The following COL22A1 variants were observed in gnomAD, a reference collection of about 807,000 sequenced individuals.
COL22A1 encodes the protein collagen type XXII alpha 1 chain.
A neutral mutation model predicts 248.9 loss-of-function variants in COL22A1; 221 were observed. That is an observed-to-expected ratio of 0.89 (90% CI 0.80 to 0.99). The LOEUF (loss-of-function observed/expected upper bound fraction) is 0.99. Ranked by LOEUF, COL22A1 falls within the 50% of genes least tolerant of loss-of-function variation. The pLI is 0.00. For synonymous variants in COL22A1, 891 were observed against 793.4 expected (o/e 1.12, Z -2.07); for missense variants, 2,240 against 2,179.0 (o/e 1.03, Z -0.56).
At chr8:138,871,826 T>A (rs1823368270) in intron 3 of COL22A1, among the ~76,000 whole-genome samples, 1 of 152,146 alleles carries the variant, frequency 6.6e-6, no homozygotes, top group African/African-American at 2.4e-5. Context: ...TGTTTTGCAC[T>A]ACGGAAAGAA....
chr8:138,805,819 T>TGTGTGTGTGATG (rs1311838890), intron 10 of COL22A1, among the ~76,000 whole-genome samples: 2 of 148,904 alleles, frequency 1.3e-5, no homozygotes, highest in Admixed American at 6.7e-5. Context: ...TGTGTGATGG[T>TGTGTGTGTGATG]GTGTGTGTTT....
chr8:138,834,281 T>C (rs373547319), intron 4 of COL22A1, among the ~76,000 whole-genome samples: 1 of 149,766 alleles, frequency 6.7e-6, no homozygotes, highest in East Asian at 2.0e-4. Context: ...ACCTAACCCA[T>C]GAGATTTTAG....
intron 21 of COL22A1, among the ~76,000 whole-genome samples, chr8:138,753,671 A>C (rs778815909): frequency 2.9e-4 from 44 of 152,178 alleles, no homozygotes; most frequent in Non-Finnish European, 5.4e-4. Flanking sequence ...AGGGTGCCTC[A>C]TGTGTTATTT....
intron 27 of COL22A1, among the ~76,000 whole-genome samples, chr8:138,718,173 T>G (rs932077523): frequency 1.3e-5 from 2 of 152,112 alleles, no homozygotes; most frequent in Non-Finnish European, 2.9e-5. Flanking sequence ...ACACATTTTA[T>G]CCTGTAGCGC....
intron 22 of COL22A1, among the ~76,000 whole-genome samples, chr8:138,743,468 A>ATGATGG (rs897064528): frequency 1.2e-4 from 15 of 120,576 alleles, no homozygotes; most frequent in African/African-American, 3.6e-4. Flanking sequence ...TTTGGTGGTA[A>ATGATGG]TGATGGTGAT....
chr8:138,660,310 C>A, intron 44 of COL22A1, 126 bp downstream of exon 44: 1 of 762,666 alleles, frequency 1.3e-6, no homozygotes, highest in Non-Finnish European at 2.2e-6. Flanking sequence ...ATATTAGTTT[C>A]CTCTGCCCAC....
At chr8:138,730,269 G>T (rs1474305654) in intron 23 of COL22A1, among the ~76,000 whole-genome samples, 1 of 152,202 alleles carries the variant, frequency 6.6e-6, no homozygotes, top group Non-Finnish European at 1.5e-5. Flanking sequence ...CCTTTAAAGG[G>T]AGAGGGGCAG....
chr8:138,591,764 A>T (rs919335109), intron 63 of COL22A1, among the ~76,000 whole-genome samples: 1 of 152,180 alleles, frequency 6.6e-6, no homozygotes, highest in Admixed American at 6.5e-5. Context: ...TCCTAAACAC[A>T]TATCTACATA....
intron 27 of COL22A1, among the ~76,000 whole-genome samples, chr8:138,718,207 C>A (rs1829592994): frequency 6.6e-6 from 1 of 152,186 alleles, no homozygotes; most frequent in South Asian, 2.1e-4. Flanking sequence ...CTGGAGTCAG[C>A]ACTTATTAAA....
At chr8:138,652,743 T>G (rs1234496267) in intron 45 of COL22A1, among the ~76,000 whole-genome samples, 1 of 91,910 alleles carries the variant, frequency 1.1e-5, no homozygotes, top group African/African-American at 4.3e-5. Flanking sequence ...TGGTTTTTTT[T>G]TTTTTTTTTT....
At chr8:138,620,982 C>T (rs1819746916) in intron 52 of COL22A1, among the ~76,000 whole-genome samples, 1 of 129,342 alleles carries the variant, frequency 7.7e-6, no homozygotes, top group Middle Eastern at 4.1e-3. Context: ...TCCATCCATC[C>T]ATCCATCCAT....
chr8:138,619,790 G>T (rs1024932957), intron 52 of COL22A1, among the ~76,000 whole-genome samples: 22 of 152,268 alleles, frequency 1.4e-4, no homozygotes, highest in African/African-American at 5.3e-4. Flanking sequence ...AAGCATCTTG[G>T]TGTGGATGAG....
At chr8:138,708,412 C>G (rs1361681827) in intron 30 of COL22A1, among the ~76,000 whole-genome samples, 1 of 152,194 alleles carries the variant, frequency 6.6e-6, no homozygotes, top group African/African-American at 2.4e-5. Context: ...GTAACCAAAA[C>G]AGCATGGTAC....
intron 15 of COL22A1, 91 bp from the exon 16 acceptor site, chr8:138,776,101 G>C: frequency 3.1e-6 from 4 of 1,291,296 alleles, no homozygotes; most frequent in Non-Finnish European, 4.5e-6. Flanking sequence ...CTGCCTGGCA[G>C]CTTCCAGCCC....
chr8:138,893,101 A>T (rs1220504425), intron 1 of COL22A1, among the ~76,000 whole-genome samples: 3 of 152,204 alleles, frequency 2.0e-5, no homozygotes, highest in Non-Finnish European at 2.9e-5. Context: ...CTCCTGTCTT[A>T]AGAGGGCTGC....
chr8:138,632,519 C>G (rs1820808107), intron 49 of COL22A1, among the ~76,000 whole-genome samples: 1 of 152,152 alleles, frequency 6.6e-6, no homozygotes, highest in South Asian at 2.1e-4. Context: ...CAAGTTCCCG[C>G]AGTACTCTAT....
At position 138,591,516 on chromosome 8, in the gene COL22A1, A is replaced by C. The variant is rs765525199; in HGVS notation, c.4616-15T>G. ...TCCTCGCTCACCTGGGAAGAAAAAC[A>C]TGCACTTTTGATGGTGGAGACCCCC... On this transcript the variant is annotated splice_polypyrimidine_tract_variant and intron_variant, in intron 63 of 64. Transcript: ENST00000303045. The C allele has an allele frequency of 2.6e-6, 4 of 1,525,478 alleles. No individual in the cohort carries two copies. Among genetic ancestry groups the C allele is most frequent in the Non-Finnish European group, 1.8e-6 (2 of 1,131,322 alleles). The allele number at this position is 1,525,478 out of a possible 1,614,324, so 94.5% of individuals were successfully genotyped here. A position where few individuals can be genotyped will look rare whatever the true frequency, so the allele number is the denominator to read the frequency against.
chr8:138,762,455 G>A lies in COL22A1; in HGVS notation c.1815C>T (p.Gly605=). The A allele has an allele frequency of 6.2e-7, 1 of 1,614,116 alleles. No individual in the cohort carries two copies. Among genetic ancestry groups the A allele is most frequent in the South Asian group, 1.1e-5 (1 of 91,080 alleles). ...CAGGCTTCCCAGGGAATCCATCCAG[G>A]CCTCGCTCTCCCTGGCAAAAGAAGG... ...KGTRGEKGER[G]LDGFPGKPGD... The change falls in exon 17 of 65, where the codon GGC becomes GGT. Residue 605 remains glycine, a synonymous_variant. Coordinates refer to ENST00000303045, the MANE Select transcript of COL22A1 (RefSeq NM_152888.3).
rs934376884 is a variant in COL22A1 at position 138,623,068 on chromosome 8, C to A, written c.3771+664G>T. Among the ~76,000 whole-genome samples, 7 of 151,952 alleles carry A rather than the reference C, an allele frequency of 4.6e-5. No homozygotes were observed. In the South Asian group the frequency reaches 1.5e-3, roughly 32 times the overall value. ...GCTTTGAAGTCACAGATACGGGTCTCTGTAAATCCCTGCACATTCCCAACT... is the reference window on the plus strand; with the variant it reads ...GCTTTGAAGTCACAGATACGGGTCTATGTAAATCCCTGCACATTCCCAACT... On this transcript the variant is annotated intron_variant, in intron 52 of 64. Transcript: ENST00000303045.
Sources: allele counts gnomAD v4.1 joint callset (sites outside exome capture counted in the v4.1 genomes callset), GRCh38; gene constraint gnomAD v4.1.1; transcripts MANE v1.5; gene names NCBI Gene and HGNC (gene_info 2026-07-23, HGNC 2026-07-21).